The following TICRR variants were observed in gnomAD, a reference collection of about 807,000 sequenced individuals.
TICRR encodes TOPBP1 interacting checkpoint and replication regulator.
A neutral mutation model predicts 178.1 loss-of-function variants in TICRR; 132 were observed. The ratio of observed to expected loss-of-function variants is 0.74; its 90% CI spans 0.64 to 0.86. The LOEUF (loss-of-function observed/expected upper bound fraction) is 0.86. Ranked by LOEUF, TICRR falls within the 40% of genes least tolerant of loss-of-function variation. The pLI is 0.00. For missense variants in TICRR, 2,587 were observed against 2,334.3 expected, an observed-to-expected ratio of 1.11 and a Z score of -2.23; for synonymous variants, 991 against 900.7, an observed-to-expected ratio of 1.10 and a Z score of -1.79.
Position 89,625,182 on chromosome 15 carries a change from C to G in TICRR, c.4872C>G (p.Pro1624=). The change falls in exon 20 of 22, where the codon CCC becomes CCG. Residue 1624 remains proline, a synonymous_variant. Coordinates refer to ENST00000268138, the MANE Select transcript of TICRR (RefSeq NM_152259.4). Reference sequence around the variant, plus strand: ...AACCTGAACCCACCTATGTGTCACCCCCCTGCCCCCGCCTCTCCCACAGCA... The same window carrying G: ...AACCTGAACCCACCTATGTGTCACCGCCCTGCCCCCGCCTCTCCCACAGCA... ...LSKPEPTYVS[P]PCPRLSHSTP... 3.1e-6 allele frequency: 5 copies of G among 1,613,820 alleles called. No individual in the cohort carries two copies. The highest frequency in any genetic ancestry group is 4.2e-6 in the Non-Finnish European group (5 of 1,179,940).
rs1203216325 is a variant in TICRR at position 89,575,894 on chromosome 15, C to T, written c.308C>T (p.Ala103Val). The T allele has an allele frequency of 1.3e-6, 2 of 1,588,834 alleles. No homozygotes were observed. The highest frequency in any genetic ancestry group is 8.5e-7 in the Non-Finnish European group (1 of 1,169,868). ...CCCAGGGCCACCCACACGCACGGCG[C>T]CCTGATGGAGACGCTGCTAGACTAC... ...PAPRATHTHG[A>V]LMETLLDYQW... Residue 103 changes from alanine (A) to valine (V), a missense_variant, in exon 1 of 22, where the codon GCC (alanine) becomes GTC (valine). Physicochemically the swap from Ala to Val is moderately conservative, Grantham distance 64. Transcript: ENST00000268138.
At chr15:89,608,636 C>T (rs1439503871) in intron 14 of TICRR, among the ~76,000 whole-genome samples, 167 bp from the exon 15 acceptor site, 2 of 152,078 alleles carry the variant, frequency 1.3e-5, no homozygotes, top group African/African-American at 2.4e-5. Flanking sequence ...ATTTTTAATG[C>T]ATTATGGGAA....
intron 15 of TICRR, among the ~76,000 whole-genome samples, chr15:89,615,373 G>A (rs1385943164): frequency 6.6e-6 from 1 of 152,140 alleles, no homozygotes; most frequent in South Asian, 2.1e-4. Context: ...GAGGCTGCTG[G>A]GCTGTTGGTT....
At chr15:89,618,930 G>C (rs891754580) in intron 17 of TICRR, among the ~76,000 whole-genome samples, 2 of 152,226 alleles carry the variant, frequency 1.3e-5, no homozygotes, top group African/African-American at 4.8e-5. Context: ...CTGCACTCCA[G>C]CCTAGCGACA....
chr15:89,601,988 A>C lies in TICRR; in HGVS notation c.2567+12A>C. 6.2e-7 allele frequency: 1 copy of C among 1,613,624 alleles called. No individual in the cohort carries two copies. Among genetic ancestry groups the C allele is most frequent in the South Asian group, 1.1e-5 (1 of 91,064 alleles). Reference sequence around the variant, plus strand: ...GCCAAGAAGAGAAGGTAAGAGGTCAAAGAATCAAAGGAATTATTTGCACTG... The same window carrying C: ...GCCAAGAAGAGAAGGTAAGAGGTCACAGAATCAAAGGAATTATTTGCACTG... On this transcript the variant is annotated intron_variant, in intron 12 of 21. Coordinates refer to ENST00000268138, the MANE Select transcript of TICRR (RefSeq NM_152259.4).
rs899707202 is a variant in TICRR at position 89,601,152 on chromosome 15, A to G, written c.2154-146A>G. 6.6e-6 allele frequency: 4 copies of G among 601,864 alleles called. No homozygotes were observed. The African/African-American group carries it at 7.5e-5, about 11-fold the overall frequency. 37.3% of individuals were successfully genotyped at this position (601,864 alleles called of 1,614,324 possible). On this transcript the variant is annotated intron_variant, in intron 9 of 21. Coordinates refer to ENST00000268138, the MANE Select transcript of TICRR (RefSeq NM_152259.4). ...TGCAGCTTGAATCACCTATTTATCT[A>G]ATAACTACATCAGTTTTTAGAAAAG...
intron 3 of TICRR, 121 bp downstream of exon 3, chr15:89,584,648 A>G: frequency 5.4e-5 from 56 of 1,044,928 alleles, no homozygotes; most frequent in Non-Finnish European, 7.1e-5. Context: ...GCTTTTGCAA[A>G]TAATATTGTT....
chr15:89,622,391 A>C (rs1490521485), intron 19 of TICRR, among the ~76,000 whole-genome samples: 1 of 152,200 alleles, frequency 6.6e-6, no homozygotes, highest in Non-Finnish European at 1.5e-5. Context: ...CTCAAAGGGA[A>C]ATCCTCCACC....
At position 89,609,100 on chromosome 15, in the gene TICRR, C is replaced by CTTTTTTTTTTTTTTTTTTTTTTTTTT. The variant is rs59398617; in HGVS notation, c.2869+154_2869+179dup. ...CTAAAGGTTTGTCAATTTTGTTAAT[C>CTTTTTTTTTTTTTTTTTTTTTTTTTT]TTTTTTTTTTTTTTTTTTTTTTTTT... On this transcript the variant is annotated intron_variant, in intron 15 of 21. Transcript: ENST00000268138. The CTTTTTTTTTTTTTTTTTTTTTTTTTT allele has an allele frequency of 1.2e-4, 10 of 81,478 alleles. 3 individuals are homozygous for CTTTTTTTTTTTTTTTTTTTTTTTTTT. Among genetic ancestry groups the CTTTTTTTTTTTTTTTTTTTTTTTTTT allele is most frequent in the African/African-American group, 1.1e-3 (10 of 9,406 alleles). The allele number at this position is 81,478 out of a possible 1,614,324, so 5.0% of individuals were successfully genotyped here.
chr15:89,616,677 C>T (rs1238164544), intron 16 of TICRR, among the ~76,000 whole-genome samples, 182 bp downstream of exon 16: 1 of 152,250 alleles, frequency 6.6e-6, no homozygotes, highest in African/African-American at 2.4e-5. Flanking sequence ...ATACACTTGT[C>T]TGGCCTCAAT....
At chr15:89,615,799 T>G (rs1316481807) in intron 15 of TICRR, among the ~76,000 whole-genome samples, 2 of 152,222 alleles carry the variant, frequency 1.3e-5, no homozygotes, top group Non-Finnish European at 2.9e-5. Flanking sequence ...TCATAAATAC[T>G]AGAACCACCA....
At chr15:89,592,337 T>A (rs1481658887) in intron 5 of TICRR, among the ~76,000 whole-genome samples, 161 bp downstream of exon 5, 1 of 152,144 alleles carries the variant, frequency 6.6e-6, no homozygotes, top group Non-Finnish European at 1.5e-5. Flanking sequence ...ATTGTGAGAG[T>A]ATGTTAGCTA....
rs776961807 is a variant in TICRR at position 89,619,793 on chromosome 15, G to A, written c.3105G>A (p.Pro1035=). The part of the protein sequence containing the change: ...HSASFYSVSQ[P]KSRSVQRVHS... ...CCTCCTTCTATTCTGTGTCTCAGCCGAAGTCTCGAAGTGTGCAAAGAGTCC... is the reference window on the plus strand; with the variant it reads ...CCTCCTTCTATTCTGTGTCTCAGCCAAAGTCTCGAAGTGTGCAAAGAGTCC... The change falls in exon 18 of 22, where the codon CCG becomes CCA. Residue 1035 remains proline (P), a synonymous_variant. Transcript: ENST00000268138. 10 of 1,613,716 alleles carry A rather than the reference G, an allele frequency of 6.2e-6. No homozygotes were observed. The highest frequency in any genetic ancestry group is 1.6e-4 in the Middle Eastern group (1 of 6,084).
chr15:89,605,879 A>C (rs1963168788), intron 13 of TICRR, among the ~76,000 whole-genome samples: 1 of 152,166 alleles, frequency 6.6e-6, no homozygotes, highest in Non-Finnish European at 1.5e-5. Flanking sequence ...GTTTTGATGC[A>C]TCTGGGGTTT....
intron 2 of TICRR, among the ~76,000 whole-genome samples, chr15:89,583,904 C>T (rs1962773833): frequency 6.6e-6 from 1 of 152,156 alleles, no homozygotes; most frequent in African/African-American, 2.4e-5. Context: ...CCAGGCTGGT[C>T]TTCAACTCAT....
intron 8 of TICRR, among the ~76,000 whole-genome samples, chr15:89,600,088 G>A (rs184690505): frequency 4.8e-4 from 73 of 152,196 alleles, no homozygotes; most frequent in African/African-American, 1.6e-3. Context: ...CCTGGGCAAC[G>A]GAGCGAGACT....
At chr15:89,577,594 A>T (rs774263769) in intron 1 of TICRR, among the ~76,000 whole-genome samples, 62 of 126,006 alleles carry the variant, frequency 4.9e-4, no homozygotes, top group South Asian at 1.4e-3. Context: ...GTAGTGAGGG[A>T]AGGCCTTTTT....
In TICRR at chr15:89,599,465, A is replaced by G. The variant is rs763303534; in HGVS notation, c.2042A>G (p.Lys681Arg). Residue 681 changes from lysine (K) to arginine (R), a missense_variant, in exon 8 of 22, where the codon AAG (lysine) becomes AGG (arginine). By Grantham distance (26) the Lys-to-Arg change is conservative. Transcript: ENST00000268138. ...VKMFLKSKGT[K>R]ELEVNCLNQV... The stretch of plus-strand genomic sequence containing the variant: ...ATGTTCCTAAAATCAAAAGGCACCA[A>G]GGAATTAGAAGTAAGAGGGTCCAGA... The G allele has an allele frequency of 2.5e-6, 4 of 1,612,448 alleles. No individual in the cohort carries two copies. In the South Asian group the frequency reaches 4.4e-5, roughly 18 times the overall value.
chr15:89,598,175 G>T (rs1268058144), intron 7 of TICRR, among the ~76,000 whole-genome samples: 2 of 151,720 alleles, frequency 1.3e-5, no homozygotes, highest in East Asian at 1.9e-4. Context: ...GGGTTTCACC[G>T]TGTTAGCCAG....
Sources: allele counts gnomAD v4.1 joint callset (sites outside exome capture counted in the v4.1 genomes callset), GRCh38; gene constraint gnomAD v4.1.1; transcripts MANE v1.5; gene names NCBI Gene and HGNC (gene_info 2026-07-23, HGNC 2026-07-21).